Variants in EZH1 observed in about 807,000 individuals in gnomAD.
EZH1 encodes enhancer of zeste 1 polycomb repressive complex 2 subunit.
Under a neutral mutation model 100.5 loss-of-function variants are expected in EZH1, and 33 were observed. That is an observed-to-expected ratio of 0.33 (90% CI 0.25 to 0.44). The LOEUF (loss-of-function observed/expected upper bound fraction) is 0.44. Among genes scored for constraint, EZH1 ranks in the 20% least tolerant of loss-of-function variants. EZH1 has a pLI of 1.00. For synonymous variants in EZH1, 272 were observed against 313.8 expected (o/e 0.87, Z 1.41); for missense variants, 475 against 928.4 (o/e 0.51, Z 6.35).
rs918752064 is a variant in EZH1 at position 42,733,855 on chromosome 17, C to T, written c.-102-2937G>A. 8.3e-5 allele frequency among the ~76,000 whole-genome samples: 12 copies of T among 144,366 alleles called. 1 individual carries two copies. The South Asian group carries it at 2.6e-3, about 31-fold the overall frequency. 94.7% of individuals were successfully genotyped at this position (144,366 alleles called of 152,430 possible). A position where few individuals can be genotyped will look rare whatever the true frequency, so the allele number is the denominator to read the frequency against. ...ACTTGGGAGGCTGAGGCAGAAGAAT[C>T]GATTGAACACAGGAGGTGGAGGTTG... On this transcript the variant is annotated intron_variant, in intron 1 of 20. Coordinates refer to ENST00000428826, the MANE Select transcript of EZH1 (RefSeq NM_001991.5).
At chr17:42,731,339 C>A (rs1258855995) in intron 1 of EZH1, among the ~76,000 whole-genome samples, 1 of 151,888 alleles carries the variant, frequency 6.6e-6, no homozygotes, top group Non-Finnish European at 1.5e-5. Flanking sequence ...TGGGGATCAC[C>A]TGACCTCAAG....
At chr17:42,743,453 G>A (rs1470067682) in intron 1 of EZH1, among the ~76,000 whole-genome samples, 3 of 151,022 alleles carry the variant, frequency 2.0e-5, no homozygotes, top group African/African-American at 2.4e-5. Context: ...TTACAGGCAT[G>A]AGCCACCGTG....
chr17:42,704,569 A>G, intron 18 of EZH1, 33 bp downstream of exon 18: 17 of 1,520,032 alleles, frequency 1.1e-5, no homozygotes, highest in Non-Finnish European at 1.5e-5. Flanking sequence ...AAAAAAAAAG[A>G]CCACCTTGGG....
intron 11 of EZH1, 88 bp downstream of exon 11, chr17:42,713,121 G>T: frequency 1.8e-6 from 2 of 1,131,536 alleles, no homozygotes; most frequent in South Asian, 3.0e-5. Context: ...TTTTTAAGAG[G>T]TAGTAAAGTT....
At chr17:42,702,811 T>C (rs762251401) in intron 20 of EZH1, 66 bp downstream of exon 20, 30 of 1,555,452 alleles carry the variant, frequency 1.9e-5, no homozygotes, top group Non-Finnish European at 2.7e-5. Flanking sequence ...AGCCCCCAAA[T>C]CTATTCCAAC....
rs541724296 is a variant in EZH1 at position 42,718,373 on chromosome 17, G to A, written c.931+81C>T. 1.2e-4 allele frequency: 194 copies of A among 1,560,110 alleles called. 2 individuals are homozygous for A. The highest frequency in any genetic ancestry group is 1.2e-3 in the South Asian group (101 of 85,198). On this transcript the variant is annotated intron_variant, in intron 9 of 20. Transcript: ENST00000428826. The surrounding 1 kb of genome is among the most constrained non-coding windows in gnomAD (Gnocchi z 4.2). ...AGAACAGAAGCCAGGAACTCTATACGAGAAACCAGAACAAAGAGAAGGAAA... is the reference window on the plus strand; with the variant it reads ...AGAACAGAAGCCAGGAACTCTATACAAGAAACCAGAACAAAGAGAAGGAAA...
At chr17:42,720,561 AT>A in intron 6 of EZH1, 112 bp from the exon 7 acceptor site, 1 of 869,068 alleles carries the variant, frequency 1.2e-6, no homozygotes, top group Non-Finnish European at 1.7e-6. Flanking sequence ...ACATGTGTAC[AT>A]TTTTACATGG....
chr17:42,703,854 C>G, intron 18 of EZH1, 34 bp from the exon 19 acceptor site: 1 of 1,475,370 alleles, frequency 6.8e-7, no homozygotes, highest in Non-Finnish European at 9.5e-7. Context: ...ACCATAAGCA[C>G]AGCAGGCAAT....
At chr17:42,735,341 C>A (rs2054045544) in intron 1 of EZH1, among the ~76,000 whole-genome samples, 1 of 151,466 alleles carries the variant, frequency 6.6e-6, no homozygotes, top group Non-Finnish European at 1.5e-5. Context: ...ACAGCTGGAC[C>A]CTAACCAACA....
At chr17:42,704,519 G>C in intron 18 of EZH1, 83 bp downstream of exon 18, 1 of 1,127,954 alleles carries the variant, frequency 8.9e-7, no homozygotes, top group African/African-American at 1.6e-5. Flanking sequence ...TTGCACCCTA[G>C]CCTGGGCAAC....
chr17:42,726,435 C>T (rs1400031154), intron 4 of EZH1, among the ~76,000 whole-genome samples: 1 of 151,796 alleles, frequency 6.6e-6, no homozygotes, highest in South Asian at 2.1e-4. Flanking sequence ...AAGCTATGAT[C>T]ATGACACTGC....
At chr17:42,712,776 G>A (rs973278741) in intron 11 of EZH1, among the ~76,000 whole-genome samples, 3 of 151,900 alleles carry the variant, frequency 2.0e-5, no homozygotes, top group Non-Finnish European at 4.4e-5. Context: ...GGTGGCTCAC[G>A]CCTGTAATCC....
At chr17:42,710,641 T>G (rs547586976) in intron 12 of EZH1, among the ~76,000 whole-genome samples, 28 of 150,648 alleles carry the variant, frequency 1.9e-4, no homozygotes, top group African/African-American at 6.8e-4. Flanking sequence ...TTTTTTTTTT[T>G]TTTTTTAAGA....
rs1035494799 is a variant in EZH1 at position 42,709,026 on chromosome 17, G to C, written c.1494-110C>G. ...AGGGACTGTGTTTGATGACTGGGGA[G>C]TATCTTCCCAAACCCCTCAACAGGA... On this transcript the variant is annotated intron_variant, in intron 13 of 20. Coordinates refer to ENST00000428826, the MANE Select transcript of EZH1 (RefSeq NM_001991.5). 16 of 1,258,552 alleles carry C rather than the reference G, an allele frequency of 1.3e-5. No individual in the cohort carries two copies. The African/African-American group carries it at 2.1e-4, about 16-fold the overall frequency. The allele number at this position is 1,258,552 out of a possible 1,614,324, so 78.0% of individuals were successfully genotyped here.
intron 11 of EZH1, 115 bp from the exon 12 acceptor site, chr17:42,712,600 T>G: frequency 2.8e-6 from 3 of 1,067,080 alleles, no homozygotes; most frequent in Non-Finnish European, 4.1e-6. Context: ...CAGTTAGGAA[T>G]GAAAATATTC....
Position 42,718,718 on chromosome 17 carries a change from G to C in EZH1, c.768-101C>G. 8.1e-7 allele frequency: 1 copy of C among 1,231,500 alleles called. No homozygotes were observed. The highest frequency in any genetic ancestry group is 1.5e-5 in the African/African-American group (1 of 66,982). 76.3% of individuals were successfully genotyped at this position (1,231,500 alleles called of 1,614,324 possible). A position where few individuals can be genotyped will look rare whatever the true frequency, so the allele number is the denominator to read the frequency against. On this transcript the variant is annotated intron_variant, in intron 8 of 20. Coordinates refer to ENST00000428826, the MANE Select transcript of EZH1 (RefSeq NM_001991.5). This position sits in a 1 kb window ranked among gnomAD's most constrained non-coding sequence, Gnocchi z 4.2. Reference sequence around the variant, plus strand: ...GTAGCTCACCTACGGTCTGCCAAGGGAGGATGGGTGTTTTTTATAGGTCTG... The same window carrying C: ...GTAGCTCACCTACGGTCTGCCAAGGCAGGATGGGTGTTTTTTATAGGTCTG...
Position 42,713,387 on chromosome 17 carries a change from T to C in EZH1, c.1026A>G (p.Glu342=), listed in dbSNP as rs763567650. The C allele has an allele frequency of 1.0e-5, 16 of 1,593,920 alleles. No homozygotes were observed. The highest frequency in any genetic ancestry group is 3.4e-5 in the Admixed American group (2 of 59,450). Reference sequence around the variant, plus strand: ...GGAGCATGGCATACTCCTTTGCTCCTTCCTGCAGTGGACACATTACAGACA... The same window carrying C: ...GGAGCATGGCATACTCCTTTGCTCCCTCCTGCAGTGGACACATTACAGACA... ...PCGTDCFLLL[E]GAKEYAMLHN... The change falls in exon 11 of 21, where the codon GAA becomes GAG. Residue 342 remains glutamate (E), a splice_region_variant and synonymous_variant. Coordinates refer to ENST00000428826, the MANE Select transcript of EZH1 (RefSeq NM_001991.5).
At chr17:42,712,530 G>A (rs775468343) in intron 11 of EZH1, 45 bp from the exon 12 acceptor site, 3 of 1,551,792 alleles carry the variant, frequency 1.9e-6, no homozygotes, top group Non-Finnish European at 2.6e-6. Context: ...GTAGAATGCA[G>A]TTGTCATCAG....
intron 8 of EZH1, 59 bp downstream of exon 8, chr17:42,719,046 G>T: frequency 7.7e-7 from 1 of 1,290,748 alleles, no homozygotes. Context: ...AAATTAGGAG[G>T]GAATAAAGGT....
Sources: allele counts gnomAD v4.1 joint callset (sites outside exome capture counted in the v4.1 genomes callset), GRCh38; gene constraint gnomAD v4.1.1; non-coding constraint Gnocchi (gnomAD v3.1); transcripts MANE v1.5; gene names NCBI Gene and HGNC (gene_info 2026-07-23, HGNC 2026-07-21).